The following TSPAN13 variants were observed in gnomAD, a reference collection of about 807,000 sequenced individuals.
TSPAN13 encodes the protein tetraspanin-13.
In TSPAN13, 18 loss-of-function variants were observed where a neutral mutation model predicts 26.9. The observed-to-expected ratio is 0.67, with a 90% CI of 0.46 to 0.99. The LOEUF (loss-of-function observed/expected upper bound fraction) is 0.99, where lower values mean the gene tolerates loss of function less well. Among genes scored for constraint, TSPAN13 ranks in the 50% least tolerant of loss-of-function variants. TSPAN13 has a pLI of 0.00. For missense variants in TSPAN13, 201 were observed against 249.6 expected (o/e 0.81, Z 1.31); for synonymous variants, 116 against 98.4 (o/e 1.18, Z -1.06).
intron 1 of TSPAN13, among the ~76,000 whole-genome samples, chr7:16,771,547 T>C (rs1005982726): frequency 6.6e-6 from 1 of 152,110 alleles, no homozygotes; most frequent in East Asian, 1.9e-4. Flanking sequence ...AAAAATGATG[T>C]GCATATTTGA....
intron 2 of TSPAN13, 152 bp from the exon 3 acceptor site, chr7:16,776,890 T>C (rs1035189110): frequency 1.1e-5 from 5 of 464,442 alleles, no homozygotes; most frequent in East Asian, 3.2e-5. Flanking sequence ...AATAATAATA[T>C]GTGTATCCTT....
At chr7:16,770,218 A>T (rs1243007630) in intron 1 of TSPAN13, among the ~76,000 whole-genome samples, 3 of 150,680 alleles carry the variant, frequency 2.0e-5, no homozygotes, top group African/African-American at 7.3e-5. Flanking sequence ...TATTATTATT[A>T]TTTTTGAAAT....
chr7:16,758,772 G>T (rs1334551394), intron 1 of TSPAN13, among the ~76,000 whole-genome samples: 4 of 148,670 alleles, frequency 2.7e-5, no homozygotes, highest in African/African-American at 5.0e-5. Flanking sequence ...TTACATAATT[G>T]GCCAACCTTT....
At chr7:16,766,685 A>C (rs1290885599) in intron 1 of TSPAN13, among the ~76,000 whole-genome samples, 2 of 152,218 alleles carry the variant, frequency 1.3e-5, no homozygotes, top group Non-Finnish European at 2.9e-5. Flanking sequence ...TCTGAGAGAC[A>C]AGTGAGAATG....
rs75735669 is a variant in TSPAN13 at position 16,754,043 on chromosome 7, A to G, written c.63+13A>G. Reference sequence around the variant, plus strand: ...CCTGCTTTACACCGTGAGTATCCCCAGTCCGTTCCTGCTCGCTTGGGGGCT... The same window carrying G: ...CCTGCTTTACACCGTGAGTATCCCCGGTCCGTTCCTGCTCGCTTGGGGGCT... On this transcript the variant is annotated intron_variant, in intron 1 of 5. Transcript: ENST00000262067. 138,542 of 1,612,448 alleles carry G rather than the reference A, an allele frequency of 0.086. 7,035 individuals carry two copies. Among genetic ancestry groups the G allele is most frequent in the Admixed American group, 0.17 (10,431 of 59,860 alleles).
chr7:16,780,490 C>A (rs1286659112), intron 5 of TSPAN13, among the ~76,000 whole-genome samples: 1 of 152,140 alleles, frequency 6.6e-6, no homozygotes, highest in Admixed American at 6.5e-5. Flanking sequence ...AGCTATCTGA[C>A]TTGTGAGTTG....
Position 16,783,832 on chromosome 7 carries a change from T to C in TSPAN13, c.*341T>C. 1 of 273,798 alleles carries C rather than the reference T, an allele frequency of 3.7e-6. No individual in the cohort carries two copies. The highest frequency in any genetic ancestry group is 6.2e-5 in the South Asian group (1 of 16,040). 17.0% of individuals were successfully genotyped at this position (273,798 alleles called of 1,614,324 possible). ...GTTATATGGTGAATCTGAACGTACA[T>C]CTCACTGGTATAATTATATGTAGCA... On this transcript the variant is annotated 3_prime_UTR_variant, in exon 6 of 6. Transcript: ENST00000262067.
chr7:16,766,213 A>T, intron 1 of TSPAN13, among the ~76,000 whole-genome samples: 1 of 152,246 alleles, frequency 6.6e-6, no homozygotes, highest in Non-Finnish European at 1.5e-5. Flanking sequence ...CATTGTTTTT[A>T]GCTTTTTAAA....
intron 1 of TSPAN13, among the ~76,000 whole-genome samples, chr7:16,758,293 T>A (rs1206289509): frequency 6.6e-6 from 1 of 152,206 alleles, no homozygotes; most frequent in African/African-American, 2.4e-5. Context: ...GAAAGATCAC[T>A]GGATTTATGA....
intron 1 of TSPAN13, among the ~76,000 whole-genome samples, chr7:16,771,593 C>T (rs1424602427): frequency 1.3e-5 from 2 of 152,118 alleles, no homozygotes; most frequent in African/African-American, 4.8e-5. Flanking sequence ...GCTTTGAAGA[C>T]AGAGGAAGGG....
intron 2 of TSPAN13, 87 bp downstream of exon 2, chr7:16,776,465 G>C: frequency 7.4e-7 from 1 of 1,348,308 alleles, no homozygotes; most frequent in Non-Finnish European, 1.0e-6. Context: ...GAAATTTATT[G>C]CCAGAAAGCA....
chr7:16,757,907 C>A (rs986634456), intron 1 of TSPAN13, among the ~76,000 whole-genome samples: 1 of 152,272 alleles, frequency 6.6e-6, no homozygotes, highest in Middle Eastern at 3.4e-3. Flanking sequence ...GATCTTGGCT[C>A]ACTGCAACCT....
intron 1 of TSPAN13, among the ~76,000 whole-genome samples, chr7:16,765,348 C>T (rs940194196): frequency 2.0e-5 from 3 of 152,174 alleles, no homozygotes; most frequent in African/African-American, 7.2e-5. Context: ...AAGCAATCCT[C>T]CTTCCTCGGC....
chr7:16,768,842 C>T lies in TSPAN13; in HGVS notation c.64-7369C>T, dbSNP rs150417342. On this transcript the variant is annotated intron_variant, in intron 1 of 5. Transcript: ENST00000262067. Reference sequence around the variant, plus strand: ...GATCTGTATCAGTTACCTGCTTTAACGACTGAACCATTAAAATGAGGTATT... The same window carrying T: ...GATCTGTATCAGTTACCTGCTTTAATGACTGAACCATTAAAATGAGGTATT... 4.2e-3 allele frequency among the ~76,000 whole-genome samples: 632 copies of T among 152,256 alleles called. 4 individuals are homozygous for T. Among genetic ancestry groups the T allele is most frequent in the Non-Finnish European group, 7.5e-3 (508 of 68,030 alleles).
At chr7:16,773,304 G>A (rs926815279) in intron 1 of TSPAN13, among the ~76,000 whole-genome samples, 1 of 149,148 alleles carries the variant, frequency 6.7e-6, no homozygotes, top group African/African-American at 2.5e-5. Flanking sequence ...TGTACAGCCT[G>A]CTAACTTAGA....
chr7:16,762,719 T>C (rs1458957804), intron 1 of TSPAN13, among the ~76,000 whole-genome samples: 1 of 152,146 alleles, frequency 6.6e-6, no homozygotes, highest in Non-Finnish European at 1.5e-5. Context: ...TCAAGCATAT[T>C]GTCATGGGCC....
Position 16,777,891 on chromosome 7 carries a change from C to A in TSPAN13, c.406C>A (p.Pro136Thr). 6.2e-7 allele frequency: 1 copy of A among 1,612,540 alleles called. No homozygotes were observed. Among genetic ancestry groups the A allele is most frequent in the Non-Finnish European group, 8.5e-7 (1 of 1,179,090 alleles). The change falls in exon 4 of 6, where the codon CCA becomes ACA. Residue 136 changes from proline (P) to threonine (T), a missense_variant. Coordinates refer to ENST00000262067, the MANE Select transcript of TSPAN13 (RefSeq NM_014399.4). Reference protein sequence around the residue: ...LNCCGFRSVNPNDTCLASCVK... With the variant: ...LNCCGFRSVNTNDTCLASCVK... ...CTGCTGTGGGTTCCGAAGTGTTAAC[C>A]CAAATGACACCTGTCTGGCTGTAAG...
chr7:16,766,655 A>T (rs1562518342), intron 1 of TSPAN13, among the ~76,000 whole-genome samples: 2 of 152,316 alleles, frequency 1.3e-5, no homozygotes, highest in East Asian at 3.9e-4. Context: ...ATATGCATAG[A>T]TGGGGATTGA....
intron 5 of TSPAN13, among the ~76,000 whole-genome samples, chr7:16,781,831 G>T (rs1784816709): frequency 6.6e-6 from 1 of 152,100 alleles, no homozygotes; most frequent in Non-Finnish European, 1.5e-5. Context: ...GGTGGGGCGG[G>T]GGGACTCAAA....
Sources: gnomAD v4.1 joint callset for allele counts (sites outside exome capture counted in the v4.1 genomes callset) on GRCh38, gnomAD v4.1.1 for gene constraint, MANE v1.5 for transcripts, NCBI Gene and HGNC (gene_info 2026-07-23, HGNC 2026-07-21) for gene names.